ITPK1: variants seen among roughly 807,000 people sequenced by gnomAD.
ITPK1 encodes inositol 1,3,4-trisphosphate 5/6-kinase.
In ITPK1, 21 loss-of-function variants were observed where a neutral mutation model predicts 45.3. That is an observed-to-expected ratio of 0.46 (90% CI 0.33 to 0.67). The LOEUF (loss-of-function observed/expected upper bound fraction) is 0.67, where lower values mean the gene tolerates loss of function less well. Among genes scored for constraint, ITPK1 ranks in the 30% least tolerant of loss-of-function variants. ITPK1 has a pLI of 0.02. For missense variants in ITPK1, 474 were observed against 573.5 expected, an observed-to-expected ratio of 0.83 and a Z score of 1.77; for synonymous variants, 258 against 253.6, an observed-to-expected ratio of 1.02 and a Z score of -0.16.
intron 2 of ITPK1, among the ~76,000 whole-genome samples, chr14:93,092,687 TG>T (rs1326577128): frequency 1.3e-5 from 2 of 152,216 alleles, no homozygotes; most frequent in Non-Finnish European, 2.9e-5. Context: ...GGGATGCCGT[TG>T]GGCACAGCTG....
intron 4 of ITPK1, among the ~76,000 whole-genome samples, chr14:93,013,905 C>T (rs1426507287): frequency 6.6e-6 from 1 of 152,180 alleles, no homozygotes; most frequent in Non-Finnish European, 1.5e-5. Context: ...ATGCTGACAG[C>T]CCAGTGACCG....
At chr14:93,001,894 T>C (rs548372692) in intron 4 of ITPK1, among the ~76,000 whole-genome samples, 5 of 152,328 alleles carry the variant, frequency 3.3e-5, no homozygotes, top group African/African-American at 1.2e-4. Flanking sequence ...CTCTGGTTCC[T>C]GAAGCCTTGG....
chr14:93,110,538 G>A (rs766504020), intron 2 of ITPK1, among the ~76,000 whole-genome samples: 87 of 152,196 alleles, frequency 5.7e-4, no homozygotes, highest in Non-Finnish European at 1.0e-3. Context: ...GGAAGGGACA[G>A]GCCCGGTGGC....
At chr14:93,102,395 C>T (rs533202542) in intron 2 of ITPK1, among the ~76,000 whole-genome samples, 21 of 152,388 alleles carry the variant, frequency 1.4e-4, no homozygotes, top group African/African-American at 4.8e-4. Context: ...TGCAGGGAGG[C>T]GGCAAAGGCC....
intron 2 of ITPK1, among the ~76,000 whole-genome samples, chr14:93,077,079 C>T (rs78625768): frequency 0.016 from 2,425 of 152,308 alleles, 61 homozygotes; most frequent in African/African-American, 0.055. Flanking sequence ...CTGCCACACA[C>T]GGGAGGCCCA....
chr14:93,056,729 A>G (rs1890228970), intron 3 of ITPK1, among the ~76,000 whole-genome samples: 2 of 152,192 alleles, frequency 1.3e-5, no homozygotes, highest in Admixed American at 6.5e-5. Context: ...CCATGGCAAC[A>G]GTCCACAAAC....
chr14:93,049,202 C>T (rs971680443), intron 3 of ITPK1, among the ~76,000 whole-genome samples: 1 of 152,206 alleles, frequency 6.6e-6, no homozygotes, highest in African/African-American at 2.4e-5. Flanking sequence ...TACAAAACCC[C>T]TTCTGTGGCT....
intron 3 of ITPK1, among the ~76,000 whole-genome samples, chr14:93,033,422 C>T (rs1052647416): frequency 2.0e-5 from 3 of 152,292 alleles, no homozygotes; most frequent in South Asian, 4.1e-4. Context: ...CCACAACAGC[C>T]AATGCCCCCC....
At chr14:93,028,939 G>C (rs1362382582) in intron 3 of ITPK1, among the ~76,000 whole-genome samples, 2 of 152,216 alleles carry the variant, frequency 1.3e-5, no homozygotes, top group Non-Finnish European at 2.9e-5. Context: ...ATGAGTTGCA[G>C]AGAGTTCTCC....
At chr14:92,981,738 G>C (rs1886239444) in intron 5 of ITPK1, among the ~76,000 whole-genome samples, 1 of 152,234 alleles carries the variant, frequency 6.6e-6, no homozygotes, top group African/African-American at 2.4e-5. Context: ...GGTCAGGTGG[G>C]GAAGACAGCG....
rs1331676349 is a variant in ITPK1, at chr14:92,941,324, C to T, written c.*237G>A. On this transcript the variant is annotated 3_prime_UTR_variant, in exon 11 of 11. Transcript: ENST00000267615. ...GCGTGTGTAAACTCAGTTAGGAGGT[C>T]TGCACAGTAGAGAGCAGGCGGACGG... 2.1e-6 allele frequency: 3 copies of T among 1,409,224 alleles called. No homozygotes were observed. In the East Asian group the frequency reaches 8.0e-5, roughly 38 times the overall value. The allele number at this position is 1,409,224 out of a possible 1,614,324, so 87.3% of individuals were successfully genotyped here. A position where few individuals can be genotyped will look rare whatever the true frequency, so the allele number is the denominator to read the frequency against.
chr14:93,080,855 G>T (rs1891407568), intron 2 of ITPK1, among the ~76,000 whole-genome samples: 1 of 151,970 alleles, frequency 6.6e-6, no homozygotes, highest in South Asian at 2.1e-4. Flanking sequence ...TCCTGCTTCG[G>T]CCTCCCGAGT....
chr14:92,955,518 G>GT (rs1884660838), intron 8 of ITPK1, among the ~76,000 whole-genome samples: 5 of 152,140 alleles, frequency 3.3e-5, no homozygotes, highest in African/African-American at 1.2e-4. Context: ...GTGGAGGGAG[G>GT]GAAACAGTCT....
intron 5 of ITPK1, 54 bp from the exon 6 acceptor site, chr14:92,962,903 G>T: frequency 7.6e-7 from 1 of 1,323,336 alleles, no homozygotes; most frequent in African/African-American, 1.5e-5. Context: ...CGCCCCAGGT[G>T]CACGTCCTGT....
chr14:93,005,148 G>A (rs903326667), intron 4 of ITPK1, among the ~76,000 whole-genome samples: 1 of 152,146 alleles, frequency 6.6e-6, no homozygotes, highest in South Asian at 2.1e-4. Context: ...GCTGGGGATG[G>A]ATGCGGTCTT....
chr14:93,048,419 C>T (rs565115039), intron 3 of ITPK1, among the ~76,000 whole-genome samples: 45 of 152,272 alleles, frequency 3.0e-4, no homozygotes, highest in African/African-American at 9.4e-4. Context: ...ATCATAAGGA[C>T]GGAACGTTAG....
chr14:92,941,919 G>C lies in ITPK1; in HGVS notation c.902-15C>G, dbSNP rs1000992107. On this transcript the variant is annotated splice_polypyrimidine_tract_variant and intron_variant, in intron 10 of 10. Transcript: ENST00000267615. ...GCCCTCGTAGCCTGGGGGTGGGAGA[G>C]AGACAGCACAAGGGGCGTGAGCCAG... 1 of 1,608,738 alleles carries C rather than the reference G, an allele frequency of 6.2e-7. No homozygotes were observed. Among genetic ancestry groups the C allele is most frequent in the Admixed American group, 1.7e-5 (1 of 59,552 alleles).
At chr14:93,088,702 T>C (rs549398843) in intron 2 of ITPK1, among the ~76,000 whole-genome samples, 1 of 152,116 alleles carries the variant, frequency 6.6e-6, no homozygotes, top group East Asian at 1.9e-4. Flanking sequence ...TGTTGCCCAG[T>C]AGGTTGCTGG....
At chr14:92,943,171 G>A (rs1024331830) in intron 10 of ITPK1, among the ~76,000 whole-genome samples, 5 of 152,246 alleles carry the variant, frequency 3.3e-5, no homozygotes, top group East Asian at 1.9e-4. Context: ...ACATCCTCTC[G>A]CCTAATCTTC....
Sources: gnomAD v4.1 joint callset for allele counts (sites outside exome capture counted in the v4.1 genomes callset) on GRCh38, gnomAD v4.1.1 for gene constraint, MANE v1.5 for transcripts, NCBI Gene and HGNC (gene_info 2026-07-23, HGNC 2026-07-21) for gene names.